The following CENPK variants were observed in gnomAD, a reference collection of about 807,000 sequenced individuals.
CENPK encodes SoxLZ/Sox6-binding protein Solt.
Under a neutral mutation model 40.9 loss-of-function variants are expected in CENPK, and 46 were observed. The ratio of observed to expected loss-of-function variants is 1.13; its 90% CI spans 0.89 to 1.44. CENPK has a LOEUF of 1.44. Among genes scored for constraint, CENPK ranks in the 40% most tolerant of loss-of-function variants. The pLI is 0.00. For missense variants in CENPK, 288 were observed against 303.5 expected, an observed-to-expected ratio of 0.95 and a Z score of 0.38; for synonymous variants, 107 against 104.4, an observed-to-expected ratio of 1.02 and a Z score of -0.15.
intron 6 of CENPK, among the ~76,000 whole-genome samples, chr5:65,534,431 G>T (rs1003765870): frequency 2.6e-5 from 4 of 152,098 alleles, no homozygotes; most frequent in African/African-American, 9.7e-5. Context: ...CAAAGTTAGA[G>T]AATTCATAAT....
At chr5:65,514,261 TA>T (rs1561603093), downstream of CENPK, among the ~76,000 whole-genome samples, 155 of 34,828 alleles carry the variant, frequency 4.5e-3, 1 homozygote, top group Non-Finnish European at 4.9e-3. Context: ...TTTTTTTTTT[TA>T]GTTTTTTTTA....
At chr5:65,512,143 C>CCATTTT in the CENPK span, among the ~76,000 whole-genome samples, 3 of 152,174 alleles carry the variant, frequency 2.0e-5, no homozygotes, top group Non-Finnish European at 4.4e-5. Context: ...CATGATACAA[C>CCATTTT]TTGAACAGAT....
the CENPK span, among the ~76,000 whole-genome samples, chr5:65,502,125 G>A: frequency 6.6e-6 from 1 of 152,200 alleles, no homozygotes; most frequent in Non-Finnish European, 1.5e-5. Context: ...TTGGACAGGG[G>A]TGGTGGTAGG....
intron 6 of CENPK, among the ~76,000 whole-genome samples, chr5:65,533,277 G>C (rs566509863): frequency 1.3e-5 from 2 of 152,090 alleles, no homozygotes; most frequent in African/African-American, 4.8e-5. Flanking sequence ...TTGAACCCAG[G>C]AGGCAGAGAT....
At chr5:65,529,478 G>T in intron 6 of CENPK, 1 of 253,376 alleles carries the variant, frequency 3.9e-6, no homozygotes, top group South Asian at 7.5e-5. Context: ...AAGAGAGTAG[G>T]TACCTTTTCT....
intron 6 of CENPK, among the ~76,000 whole-genome samples, chr5:65,542,376 C>T (rs964502102): frequency 2.6e-5 from 4 of 152,182 alleles, no homozygotes; most frequent in Admixed American, 6.6e-5. Flanking sequence ...TGGTGGCTTA[C>T]GCCTGTAATC....
chr5:65,563,148 T>C lies in CENPK; in HGVS notation c.-192A>G, dbSNP rs1752345149. 1 of 898,264 alleles carries C rather than the reference T, an allele frequency of 1.1e-6. No homozygotes were observed. The highest frequency in any genetic ancestry group is 2.7e-5 in the East Asian group (1 of 37,506). 55.6% of individuals were successfully genotyped at this position (898,264 alleles called of 1,614,324 possible). On this transcript the variant is annotated 5_prime_UTR_variant, in exon 1 of 11. Coordinates refer to ENST00000396679, the MANE Select transcript of CENPK (RefSeq NM_022145.5). ...CGCCTAGGCGCTGCGCAGGAAGCGC[T>C]TGCCAGCCCCGGACTTCTGCGCGCG...
chr5:65,522,608 T>C (rs1743985209), intron 9 of CENPK, among the ~76,000 whole-genome samples: 1 of 152,098 alleles, frequency 6.6e-6, no homozygotes, highest in South Asian at 2.1e-4. Flanking sequence ...TATTTGTTTG[T>C]TTTGTAGAGG....
chr5:65,503,428 T>C, the CENPK span, among the ~76,000 whole-genome samples: 1 of 152,072 alleles, frequency 6.6e-6, no homozygotes. Context: ...TTAGGATGAA[T>C]GTCTTCTAAT....
intron 9 of CENPK, among the ~76,000 whole-genome samples, chr5:65,527,157 A>G (rs184015162): frequency 1.3e-5 from 2 of 152,154 alleles, no homozygotes; most frequent in African/African-American, 4.8e-5. Flanking sequence ...AAATTTCATA[A>G]TATGTTTCAC....
the CENPK span, among the ~76,000 whole-genome samples, chr5:65,503,288 G>A: frequency 1.3e-5 from 2 of 151,906 alleles, no homozygotes; most frequent in African/African-American, 2.4e-5. Context: ...TGTATTTTTA[G>A]TAGAGACGGG....
At chr5:65,557,373 G>C (rs908421324) in intron 2 of CENPK, among the ~76,000 whole-genome samples, 1 of 145,386 alleles carries the variant, frequency 6.9e-6, no homozygotes, top group African/African-American at 2.4e-5. Context: ...TGACTTTGTG[G>C]CTGTCTTTAT....
intron 1 of CENPK, among the ~76,000 whole-genome samples, 189 bp from the exon 2 acceptor site, chr5:65,561,753 C>G (rs1561709376): frequency 7.7e-6 from 1 of 130,668 alleles, no homozygotes; most frequent in East Asian, 2.0e-4. Flanking sequence ...AAAACAGTAT[C>G]TCTTTATTTA....
downstream of CENPK, among the ~76,000 whole-genome samples, chr5:65,514,216 T>C (rs1331369589): frequency 6.9e-6 from 1 of 144,722 alleles, no homozygotes; most frequent in Non-Finnish European, 1.5e-5. Flanking sequence ...AGGGTAATGC[T>C]GGCCTCACAT....
chr5:65,506,319 T>C, the CENPK span, among the ~76,000 whole-genome samples: 1 of 148,086 alleles, frequency 6.8e-6, no homozygotes, highest in African/African-American at 2.5e-5. Context: ...GCCACTGAAC[T>C]CCAGCCTTTG....
Position 65,531,724 on chromosome 5 carries a change from G to C in CENPK, c.289-2525C>G, listed in dbSNP as rs58047381. Among the ~76,000 whole-genome samples the C allele has an allele frequency of 7.6e-3, 1,152 of 152,056 alleles. 14 individuals carry two copies. The highest frequency in any genetic ancestry group is 0.026 in the African/African-American group (1,068 of 41,478). ...TCACCATGTTGGCCAGGATGGTCTC[G>C]ATCTCCTGACCTCGTGATCTGCCCG... On this transcript the variant is annotated intron_variant, in intron 6 of 10. Coordinates refer to ENST00000396679, the MANE Select transcript of CENPK (RefSeq NM_022145.5).
chr5:65,546,035 TTTTC>T (rs1273241174), intron 5 of CENPK, among the ~76,000 whole-genome samples: 1 of 152,236 alleles, frequency 6.6e-6, no homozygotes, highest in Non-Finnish European at 1.5e-5. Flanking sequence ...ATTTTTTAAC[TTTTC>T]TTTAAGTTTG....
At chr5:65,521,574 C>A (rs1743758283) in intron 9 of CENPK, 46 bp from the exon 10 acceptor site, 1 of 1,243,216 alleles carries the variant, frequency 8.0e-7, no homozygotes, top group African/African-American at 1.5e-5. Flanking sequence ...TTCACTTCTG[C>A]CAATGGTGAA....
downstream of CENPK, among the ~76,000 whole-genome samples, chr5:65,512,790 C>T (rs1038229180): frequency 1.3e-5 from 2 of 152,124 alleles, no homozygotes; most frequent in African/African-American, 4.8e-5. Flanking sequence ...TGTAAAAAAC[C>T]GTCAAACCGT....
Sources: allele counts gnomAD v4.1 joint callset (sites outside exome capture counted in the v4.1 genomes callset), GRCh38; gene constraint gnomAD v4.1.1; transcripts MANE v1.5; gene names NCBI Gene and HGNC (gene_info 2026-07-23, HGNC 2026-07-21).